The following SEZ6L variants were observed in gnomAD, a reference collection of about 807,000 sequenced individuals.
SEZ6L encodes the protein seizure 6-like protein.
SEZ6L carries 37 observed loss-of-function variants against 106.2 expected under a neutral mutation model. The observed-to-expected ratio is 0.35, with a 90% CI of 0.27 to 0.46. SEZ6L has a LOEUF of 0.46. Among genes scored for constraint, SEZ6L ranks in the 20% least tolerant of loss-of-function variants. The probability of loss-of-function intolerance (pLI) is 1.00; values close to 1 mark genes in which losing one functional copy is unlikely to be tolerated. For synonymous variants in SEZ6L, 541 were observed against 570.4 expected (o/e 0.95, Z 0.73); for missense variants, 1,172 against 1,332.8 (o/e 0.88, Z 1.88).
chr22:26,336,419 A>T (rs890222151), intron 9 of SEZ6L, among the ~76,000 whole-genome samples: 6 of 151,988 alleles, frequency 3.9e-5, no homozygotes, highest in African/African-American at 1.5e-4. Flanking sequence ...TCATTTCCCC[A>T]CCAGTGCTGC....
chr22:26,310,448 A>G (rs1251264187), intron 6 of SEZ6L, among the ~76,000 whole-genome samples: 2 of 152,192 alleles, frequency 1.3e-5, no homozygotes, highest in African/African-American at 4.8e-5. Context: ...AGGCAGGAGA[A>G]TCACTTGAAC....
At chr22:26,350,674 T>TTTTTTA (rs1215003201) in intron 11 of SEZ6L, among the ~76,000 whole-genome samples, 1 of 149,044 alleles carries the variant, frequency 6.7e-6, no homozygotes, top group African/African-American at 2.5e-5. Flanking sequence ...TTTTTTTTTT[T>TTTTTTA]GAGATGGAGT....
chr22:26,351,278 G>T (rs775342799), intron 12 of SEZ6L, 35 bp downstream of exon 12: 4 of 1,591,230 alleles, frequency 2.5e-6, no homozygotes, highest in Non-Finnish European at 3.4e-6. Flanking sequence ...CCCCCAGTAG[G>T]TAGAAGCAGA....
chr22:26,369,714 C>G (rs1025933876), intron 13 of SEZ6L, among the ~76,000 whole-genome samples: 1 of 152,044 alleles, frequency 6.6e-6, no homozygotes, highest in Admixed American at 6.6e-5. Context: ...AATTAGCATT[C>G]AAGACAGCTG....
In SEZ6L at chr22:26,351,536, T is replaced by TTG. The variant is rs1556375090; in HGVS notation, c.2599+293_2599+294insTG. On this transcript the variant is annotated intron_variant, in intron 12 of 16. Coordinates refer to ENST00000248933, the MANE Select transcript of SEZ6L (RefSeq NM_021115.5). ...TTTTTTGTTTGTTTGTTTGTTTGTT[T>TTG]GTTTGTTTGTTGGTTGGTTGGTTGG... is the stretch of plus-strand genomic sequence containing the variant. 5.6e-4 allele frequency: 91 copies of TTG among 162,648 alleles called. No individual in the cohort carries two copies. In the Middle Eastern group the frequency reaches 6.6e-3, roughly 12 times the overall value. The allele number at this position is 162,648 out of a possible 1,614,324, so 10.1% of individuals were successfully genotyped here.
At chr22:26,361,439 T>G (rs1169890040) in intron 12 of SEZ6L, among the ~76,000 whole-genome samples, 1 of 149,506 alleles carries the variant, frequency 6.7e-6, no homozygotes. Context: ...CCCAGGAGGC[T>G]GAGGTTGCAG....
rs112637438 is a variant in SEZ6L at position 26,262,402 on chromosome 22, G to T, written c.95-30004G>T. ...TCTGCAGAAATCTTTGAGGGAAAAAGGGAAAGATATTAATCCAGATGTGAT... is the reference window on the plus strand; with the variant it reads ...TCTGCAGAAATCTTTGAGGGAAAAATGGAAAGATATTAATCCAGATGTGAT... On this transcript the variant is annotated intron_variant, in intron 1 of 16. Transcript: ENST00000248933. Among the ~76,000 whole-genome samples the T allele has an allele frequency of 1.8e-3, 269 of 152,176 alleles. 4 individuals carry two copies. The highest frequency in any genetic ancestry group is 5.6e-3 in the African/African-American group (234 of 41,520).
At chr22:26,348,703 A>AAAGAAAGAAAGCAAGCAAGC (rs1207033331) in intron 11 of SEZ6L, among the ~76,000 whole-genome samples, 1 of 41,480 alleles carries the variant, frequency 2.4e-5, no homozygotes, top group Non-Finnish European at 4.4e-5. Context: ...AGAAAGAAAG[A>AAAGAAAGAAAGCAAGCAAGC]AGGCAAGGGA....
At chr22:26,188,050 A>C (rs1214661966) in intron 1 of SEZ6L, among the ~76,000 whole-genome samples, 5 of 152,116 alleles carry the variant, frequency 3.3e-5, no homozygotes, top group African/African-American at 1.2e-4. Context: ...TGGACTCAAA[A>C]TGTATCATGT....
chr22:26,322,528 T>A (rs2082184996), intron 9 of SEZ6L, among the ~76,000 whole-genome samples: 1 of 152,154 alleles, frequency 6.6e-6, no homozygotes, highest in Non-Finnish European at 1.5e-5. Flanking sequence ...TTTATCTCCG[T>A]GAATTATGGA....
chr22:26,311,686 C>T (rs2081836419), intron 7 of SEZ6L, 82 bp from the exon 8 acceptor site: 1 of 1,238,736 alleles, frequency 8.1e-7, no homozygotes, highest in Non-Finnish European at 1.2e-6. Context: ...CTAAACAGCA[C>T]AGGGGACCCA....
intron 9 of SEZ6L, among the ~76,000 whole-genome samples, chr22:26,323,688 CA>C (rs1205834234): frequency 7.9e-5 from 12 of 152,126 alleles, no homozygotes; most frequent in Admixed American, 7.9e-4. Context: ...GTTTCTGACA[CA>C]AGATAGGCAG....
intron 1 of SEZ6L, among the ~76,000 whole-genome samples, chr22:26,248,868 C>A (rs1028840271): frequency 6.6e-6 from 1 of 152,194 alleles, no homozygotes; most frequent in Non-Finnish European, 1.5e-5. Flanking sequence ...GTGGCTGAAG[C>A]GGCTATGCAA....
intron 1 of SEZ6L, among the ~76,000 whole-genome samples, chr22:26,282,984 G>A (rs1053434511): frequency 3.3e-5 from 5 of 151,992 alleles, no homozygotes; most frequent in South Asian, 2.1e-4. Context: ...ACAGTGGCGC[G>A]ATTTTGGCTC....
chr22:26,371,537 TA>T (rs2084036464), intron 13 of SEZ6L, among the ~76,000 whole-genome samples: 1 of 151,848 alleles, frequency 6.6e-6, no homozygotes, highest in African/African-American at 2.4e-5. Flanking sequence ...GAGGCTGAAG[TA>T]GGAGAATCGC....
intron 1 of SEZ6L, among the ~76,000 whole-genome samples, chr22:26,239,651 C>T (rs2079053819): frequency 6.6e-6 from 1 of 152,158 alleles, no homozygotes; most frequent in Non-Finnish European, 1.5e-5. Context: ...CCTTCTAACT[C>T]CACCTGCTAC....
intron 1 of SEZ6L, among the ~76,000 whole-genome samples, chr22:26,180,613 T>C (rs2123775700): frequency 6.6e-6 from 1 of 152,274 alleles, no homozygotes; most frequent in South Asian, 2.1e-4. Context: ...GTAGGAGTTG[T>C]GGGTGATAGA....
chr22:26,338,648 C>T (rs2082720352), intron 9 of SEZ6L, among the ~76,000 whole-genome samples: 1 of 152,174 alleles, frequency 6.6e-6, no homozygotes, highest in Admixed American at 6.5e-5. Context: ...CAACCTCCAC[C>T]TCCCAGGTTC....
chr22:26,232,011 G>T (rs1330889751), intron 1 of SEZ6L, among the ~76,000 whole-genome samples: 1 of 152,080 alleles, frequency 6.6e-6, no homozygotes, highest in Non-Finnish European at 1.5e-5. Context: ...AACAGACCTG[G>T]GTTTGAATGC....
Sources: allele counts gnomAD v4.1 joint callset (sites outside exome capture counted in the v4.1 genomes callset), GRCh38; gene constraint gnomAD v4.1.1; transcripts MANE v1.5; gene names NCBI Gene and HGNC (gene_info 2026-07-23, HGNC 2026-07-21).